The following UFD1 variants were observed in gnomAD, a reference collection of about 807,000 sequenced individuals.
UFD1 encodes ubiquitin recognition factor in ER-associated degradation protein 1.
A neutral mutation model predicts 45.9 loss-of-function variants in UFD1; 13 were observed. The ratio of observed to expected loss-of-function variants is 0.28; its 90% CI spans 0.18 to 0.45. The LOEUF is 0.45. Among genes scored for constraint, UFD1 ranks in the 20% least tolerant of loss-of-function variants. The pLI, the probability that UFD1 is intolerant of heterozygous loss-of-function variation, is 1.00. For synonymous variants in UFD1, 128 were observed against 139.2 expected, an observed-to-expected ratio of 0.92 and a Z score of 0.56; for missense variants, 218 against 389.2, an observed-to-expected ratio of 0.56 and a Z score of 3.70.
At chr22:19,453,941 C>T (rs2089702109) in intron 11 of UFD1, 2 of 985,554 alleles carry the variant, frequency 2.0e-6, no homozygotes, top group Non-Finnish European at 2.4e-6. Context: ...TGTAGAAATC[C>T]TCATCACAAA....
At chr22:19,465,155 A>C in intron 6 of UFD1, 47 bp downstream of exon 6, 1 of 1,552,634 alleles carries the variant, frequency 6.4e-7, no homozygotes, top group South Asian at 1.1e-5. Flanking sequence ...TAGAATGGAC[A>C]CTGCAGGTGG....
At position 19,463,282 on chromosome 22, in the gene UFD1, T is replaced by G. The variant is rs2089779879; in HGVS notation, c.495+1920A>C. On this transcript the variant is annotated intron_variant, in intron 6 of 11. Coordinates refer to ENST00000263202, the MANE Select transcript of UFD1 (RefSeq NM_005659.7). ...ATCCCCTTGCTCCTCTGTGTGAAAT[T>G]CTGTTATTTCTTCAGATTCATCTTT... Among the ~76,000 whole-genome samples, 3 of 152,364 alleles carry G rather than the reference T, an allele frequency of 2.0e-5. 1 individual carries two copies. The South Asian group carries it at 6.2e-4, about 32-fold the overall frequency.
chr22:19,457,710 C>T (rs1244071287), intron 7 of UFD1, among the ~76,000 whole-genome samples: 1 of 152,066 alleles, frequency 6.6e-6, no homozygotes, highest in Non-Finnish European at 1.5e-5. Context: ...ACTCGGGAGG[C>T]TGAGGCAGGA....
chr22:19,470,702 G>A (rs757591176), intron 4 of UFD1: 17 of 453,778 alleles, frequency 3.7e-5, no homozygotes, highest in Non-Finnish European at 7.1e-5. Context: ...TTGGCCTTCC[G>A]AAGTGCTGGG....
chr22:19,467,084 G>A (rs1056461795), intron 5 of UFD1: 6 of 151,774 alleles, frequency 4.0e-5, no homozygotes, highest in African/African-American at 1.5e-4. Context: ...TTGCTCCTAA[G>A]AAAACATGCG....
At chr22:19,474,316 AGGC>A (rs2089866002) in intron 3 of UFD1, among the ~76,000 whole-genome samples, 1 of 152,144 alleles carries the variant, frequency 6.6e-6, no homozygotes, top group Admixed American at 6.6e-5. Context: ...AGGCCGAGGC[AGGC>A]AGGTCACCTG....
chr22:19,466,176 T>C (rs953805208), intron 5 of UFD1: 16 of 152,328 alleles, frequency 1.1e-4, no homozygotes, highest in African/African-American at 2.9e-4. Flanking sequence ...GATGCTTTCT[T>C]TGCTCCCAAA....
intron 3 of UFD1, among the ~76,000 whole-genome samples, 157 bp from the exon 4 acceptor site, chr22:19,471,965 CAAG>C (rs2089849618): frequency 6.6e-6 from 1 of 152,164 alleles, no homozygotes; most frequent in African/African-American, 2.4e-5. Context: ...GTGCACGGCT[CAAG>C]GAGGAACCTG....
chr22:19,458,062 G>C lies in UFD1; in HGVS notation c.564+9C>G, dbSNP rs755143592. ...CCCAGGCTCACTGTAACTGGACAGA[G>C]CCACTCACGTTCATGTCACACTCAA... On this transcript the variant is annotated intron_variant, in intron 7 of 11. Transcript: ENST00000263202. 6.2e-7 allele frequency: 1 copy of C among 1,614,068 alleles called. No individual in the cohort carries two copies. The highest frequency in any genetic ancestry group is 8.5e-7 in the Non-Finnish European group (1 of 1,179,944).
In UFD1 at chr22:19,479,127, C is replaced by G; in HGVS notation, c.-42G>C. The G allele has an allele frequency of 6.2e-7, 1 of 1,608,600 alleles. No individual in the cohort carries two copies. The highest frequency in any genetic ancestry group is 8.5e-7 in the Non-Finnish European group (1 of 1,178,180). ...CAGACTCCGCTCCTCTCAGGCAATG[C>G]AACGAAGAAACCCCGCCGACCGCTC... On this transcript the variant is annotated 5_prime_UTR_variant, in exon 1 of 12. Transcript: ENST00000263202.
chr22:19,471,185 A>T, intron 4 of UFD1: 1 of 502,422 alleles, frequency 2.0e-6, no homozygotes, highest in East Asian at 5.6e-5. Context: ...ATCTGCAATG[A>T]CATCCTTCAA....
At position 19,454,419 on chromosome 22, in the gene UFD1, C is replaced by T. The variant is rs967144006; in HGVS notation, c.849+330G>A. On this transcript the variant is annotated intron_variant, in intron 11 of 11. Transcript: ENST00000263202. ...CTGAGTCATGAGGGCGGGTCTTTTC[C>T]GTGCTGTTATCATGATAGTGAATAA... 13 of 752,710 alleles carry T rather than the reference C, an allele frequency of 1.7e-5. No individual in the cohort carries two copies. The South Asian group carries it at 3.2e-4, about 18-fold the overall frequency. The allele number at this position is 752,710 out of a possible 1,614,324, so 46.6% of individuals were successfully genotyped here. A position where few individuals can be genotyped will look rare whatever the true frequency, so the allele number is the denominator to read the frequency against.
chr22:19,467,811 T>C, intron 5 of UFD1, 62 bp downstream of exon 5: 1 of 1,599,240 alleles, frequency 6.3e-7, no homozygotes, highest in South Asian at 1.1e-5. Context: ...GTACATGATG[T>C]TTAACAACCG....
intron 3 of UFD1, among the ~76,000 whole-genome samples, 188 bp downstream of exon 3, chr22:19,474,880 G>A (rs2089870481): frequency 6.6e-6 from 1 of 152,144 alleles, no homozygotes; most frequent in Non-Finnish European, 1.5e-5. Context: ...GAGGTTCAGG[G>A]GGCCCTGGCC....
At position 19,479,170 on chromosome 22, in the gene UFD1, G is replaced by T; in HGVS notation, c.-85C>A. 2 of 1,572,150 alleles carry T rather than the reference G, an allele frequency of 1.3e-6. No homozygotes were observed. Among genetic ancestry groups the T allele is most frequent in the Non-Finnish European group, 1.7e-6 (2 of 1,160,936 alleles). ...GACCGCTCTCCCAGCCGCCGCTGCC[G>T]CTGCCGCCGCGCCAAGCCGGTACGC... On this transcript the variant is annotated 5_prime_UTR_variant, in exon 1 of 12. Coordinates refer to ENST00000263202, the MANE Select transcript of UFD1 (RefSeq NM_005659.7).
At chr22:19,457,637 AC>A (rs2089733176) in intron 7 of UFD1, among the ~76,000 whole-genome samples, 1 of 151,974 alleles carries the variant, frequency 6.6e-6, no homozygotes, top group African/African-American at 2.4e-5. Context: ...ACATGGTAAA[AC>A]CCTGTCTCTA....
In UFD1 at chr22:19,479,143, C is replaced by G; in HGVS notation, c.-58G>C. The G allele has an allele frequency of 3.1e-6, 5 of 1,597,850 alleles. No individual in the cohort carries two copies. The highest frequency in any genetic ancestry group is 4.3e-6 in the Non-Finnish European group (5 of 1,173,298). ...CAGGCAATGCAACGAAGAAACCCCG[C>G]CGACCGCTCTCCCAGCCGCCGCTGC... On this transcript the variant is annotated 5_prime_UTR_variant, in exon 1 of 12. Coordinates refer to ENST00000263202, the MANE Select transcript of UFD1 (RefSeq NM_005659.7).
chr22:19,467,617 C>G, intron 5 of UFD1: 1 of 438,584 alleles, frequency 2.3e-6, no homozygotes, highest in Non-Finnish European at 4.0e-6. Context: ...GTGACACAGA[C>G]CAACTGAAAG....
intron 11 of UFD1, 191 bp downstream of exon 11, chr22:19,454,558 C>T: frequency 7.9e-7 from 1 of 1,272,512 alleles, no homozygotes; most frequent in East Asian, 3.0e-5. Context: ...TGTGAGGCCT[C>T]CCCAGCCATG....
Sources: gnomAD v4.1 joint callset for allele counts (sites outside exome capture counted in the v4.1 genomes callset) on GRCh38, gnomAD v4.1.1 for gene constraint, MANE v1.5 for transcripts, NCBI Gene and HGNC (gene_info 2026-07-23, HGNC 2026-07-21) for gene names.